The following OR3A2 variants were observed in gnomAD, a reference collection of about 807,000 sequenced individuals.
OR3A2 encodes olfactory receptor family 3 subfamily A member 2.
For missense variants in OR3A2, 318 were observed against 392.8 expected, an observed-to-expected ratio of 0.81 and a Z score of 1.61; for synonymous variants, 126 against 159.3, an observed-to-expected ratio of 0.79 and a Z score of 1.57.
intron 1 of OR3A2, among the ~76,000 whole-genome samples, chr17:3,279,908 A>C (rs2048766636): frequency 6.6e-6 from 1 of 152,224 alleles, no homozygotes; most frequent in African/African-American, 2.4e-5. Context: ...TGGATATCAG[A>C]AAGACCAGCC....
downstream of OR3A2, among the ~76,000 whole-genome samples, chr17:3,276,393 A>T (rs2048735116): frequency 6.6e-6 from 1 of 152,234 alleles, no homozygotes. Flanking sequence ...CTAGAGGAAA[A>T]AACACAACAA....
intron 3 of OR3A2, among the ~76,000 whole-genome samples, chr17:3,306,935 C>T (rs2049004806): frequency 6.6e-6 from 1 of 152,188 alleles, no homozygotes; most frequent in South Asian, 2.1e-4. Context: ...AGTTTTTCCA[C>T]AACAAGGCAT....
intron 3 of OR3A2, among the ~76,000 whole-genome samples, chr17:3,330,506 C>G (rs148829830): frequency 0.15 from 22,612 of 151,766 alleles, 2,234 homozygotes; most frequent in African/African-American, 0.28. Context: ...GGTTTAAAGT[C>G]TGATTTATCA....
At position 3,297,025 on chromosome 17, in the gene OR3A2, G is replaced by C. The variant is rs966676765; in HGVS notation, c.-84-17872C>G. Among the ~76,000 whole-genome samples, 13 of 152,184 alleles carry C rather than the reference G, an allele frequency of 8.5e-5. 1 individual carries two copies. The highest frequency in any genetic ancestry group is 8.5e-4 in the Admixed American group (13 of 15,276). On this transcript the variant is annotated intron_variant, in intron 3 of 4. Transcript: ENST00000573491. ...GTAGCTGCCCCCTCTGGGCCCTGCAGAGATTCCCTTTTCTACACAGGTTCA... is the reference window on the plus strand; with the variant it reads ...GTAGCTGCCCCCTCTGGGCCCTGCACAGATTCCCTTTTCTACACAGGTTCA...
At chr17:3,329,889 C>T (rs2049214153) in intron 3 of OR3A2, among the ~76,000 whole-genome samples, 1 of 132,134 alleles carries the variant, frequency 7.6e-6, no homozygotes. Flanking sequence ...TTGAATGTGT[C>T]CCAGAGATTC....
At chr17:3,280,427 A>ACG (rs1165453340) in intron 1 of OR3A2, among the ~76,000 whole-genome samples, 1 of 151,454 alleles carries the variant, frequency 6.6e-6, no homozygotes, top group Non-Finnish European at 1.5e-5. Flanking sequence ...GCCCACCACC[A>ACG]CGCCCGGCTA....
chr17:3,321,591 C>T (rs562758206), intron 3 of OR3A2, among the ~76,000 whole-genome samples: 11 of 151,918 alleles, frequency 7.2e-5, no homozygotes, highest in Admixed American at 2.6e-4. Flanking sequence ...TAGCATGAAG[C>T]GTTGTTGAAT....
chr17:3,357,656 T>C (rs1410650879), intron 2 of OR3A2, among the ~76,000 whole-genome samples: 3 of 151,436 alleles, frequency 2.0e-5, no homozygotes, highest in Admixed American at 6.6e-5. Context: ...CTGCAGAACA[T>C]TGTGAATGTA....
intron 2 of OR3A2, among the ~76,000 whole-genome samples, chr17:3,361,290 C>A (rs1036000087): frequency 6.6e-6 from 1 of 151,334 alleles, no homozygotes; most frequent in African/African-American, 2.5e-5. Flanking sequence ...GCTGAAGTTG[C>A]TTATCAGCTT....
intron 2 of OR3A2, among the ~76,000 whole-genome samples, chr17:3,366,950 A>C (rs2049569459): frequency 6.6e-6 from 1 of 152,186 alleles, no homozygotes; most frequent in Admixed American, 6.5e-5. Context: ...CCCTGAGACA[A>C]ATTATAAGCC....
At chr17:3,313,261 G>A (rs1397967648) in intron 3 of OR3A2, among the ~76,000 whole-genome samples, 1 of 152,202 alleles carries the variant, frequency 6.6e-6, no homozygotes, top group East Asian at 1.9e-4. Flanking sequence ...TATTTGAGGA[G>A]GGCAGCAGGG....
At chr17:3,371,701 C>A (rs1194631549) in intron 2 of OR3A2, among the ~76,000 whole-genome samples, 2 of 139,690 alleles carry the variant, frequency 1.4e-5, no homozygotes, top group Non-Finnish European at 3.2e-5. Context: ...GGGGTGCTGA[C>A]CCCCCCACCT....
At chr17:3,345,847 AC>A (rs1471285802) in intron 2 of OR3A2, among the ~76,000 whole-genome samples, 1 of 152,164 alleles carries the variant, frequency 6.6e-6, no homozygotes, top group Non-Finnish European at 1.5e-5. Flanking sequence ...CACATTCAAA[AC>A]AAAATGGATT....
chr17:3,331,570 TC>T (rs1247715783), intron 3 of OR3A2, among the ~76,000 whole-genome samples: 1 of 151,272 alleles, frequency 6.6e-6, no homozygotes, highest in Non-Finnish European at 1.5e-5. Flanking sequence ...CTCCATCAGC[TC>T]CTTTAAGCAC....
In OR3A2 at chr17:3,327,013, T is replaced by C. The variant is rs1271832158; in HGVS notation, c.-85+9020A>G. ...ATTGTGAATAATGCCGCAATAAACATACGTGTGCATGTGTCTTTATAGCAG... is the reference window on the plus strand; with the variant it reads ...ATTGTGAATAATGCCGCAATAAACACACGTGTGCATGTGTCTTTATAGCAG... On this transcript the variant is annotated intron_variant, in intron 3 of 4. Transcript: ENST00000573491. 2.4e-5 allele frequency among the ~76,000 whole-genome samples: 2 copies of C among 82,874 alleles called. 1 individual carries two copies. The highest frequency in any genetic ancestry group is 1.3e-4 in the African/African-American group (2 of 14,824). The allele number at this position is 82,874 out of a possible 152,430, so 54.4% of individuals were successfully genotyped here.
chr17:3,350,220 T>C (rs1358449854), intron 2 of OR3A2, among the ~76,000 whole-genome samples: 2 of 152,094 alleles, frequency 1.3e-5, no homozygotes, highest in African/African-American at 4.8e-5. Context: ...CAAAAAACCC[T>C]TCAAAAAATT....
Position 3,314,340 on chromosome 17 carries a change from GTA to G in OR3A2, c.-85+21691_-85+21692del, listed in dbSNP as rs936753284. On this transcript the variant is annotated intron_variant, in intron 3 of 4. Transcript: ENST00000573491. The stretch of plus-strand genomic sequence containing the variant: ...GTCTTTCCTTAATTCATCTTCTAAA[GTA>G]AAGAGTTTTTAACTCTGCTATGCAA... 4.0e-3 allele frequency among the ~76,000 whole-genome samples: 595 copies of G among 148,352 alleles called. 5 individuals carry two copies. Among genetic ancestry groups the G allele is most frequent in the African/African-American group, 0.015 (550 of 37,922 alleles).
intron 3 of OR3A2, among the ~76,000 whole-genome samples, chr17:3,309,188 G>C (rs2049020870): frequency 6.6e-6 from 1 of 152,198 alleles, no homozygotes; most frequent in South Asian, 2.1e-4. Context: ...TTACAGGTGT[G>C]AGTCACCACG....
chr17:3,329,169 T>A (rs2049206019), intron 3 of OR3A2, among the ~76,000 whole-genome samples: 1 of 151,922 alleles, frequency 6.6e-6, no homozygotes. Context: ...GGTCTAAAAT[T>A]CTCTTTTTTG....
Sources: gnomAD v4.1 joint callset for allele counts (sites outside exome capture counted in the v4.1 genomes callset) on GRCh38, gnomAD v4.1.1 for gene constraint, MANE v1.5 for transcripts, NCBI Gene and HGNC (gene_info 2026-07-23, HGNC 2026-07-21) for gene names.